KCNMA1: variants seen among roughly 807,000 people sequenced by gnomAD.
KCNMA1 encodes potassium calcium-activated channel subfamily M alpha 1, also known as Calcium-activated potassium channel subunit alpha-1.
A neutral mutation model predicts 140.0 loss-of-function variants in KCNMA1; 29 were observed. The observed-to-expected ratio is 0.21, with a 90% CI of 0.15 to 0.28. The LOEUF is 0.28. Ranked by LOEUF, KCNMA1 falls within the 10% of genes least tolerant of loss-of-function variation. The pLI is 1.00. For missense variants in KCNMA1, 880 were observed against 1,602.2 expected, an observed-to-expected ratio of 0.55 and a Z score of 7.70; for synonymous variants, 612 against 611.9, an observed-to-expected ratio of 1.00 and a Z score of 0.00.
intron 15 of KCNMA1, 61 bp downstream of exon 15, chr10:77,039,467 T>C (rs1394888573): frequency 1.0e-6 from 1 of 998,142 alleles, no homozygotes; most frequent in Admixed American, 1.7e-5. Flanking sequence ...GGAGGCTTCC[T>C]TGCAAGGGGC....
At chr10:76,925,499 A>G (rs1244765263) in intron 23 of KCNMA1, among the ~76,000 whole-genome samples, 1 of 152,160 alleles carries the variant, frequency 6.6e-6, no homozygotes, top group Non-Finnish European at 1.5e-5. Flanking sequence ...ATCCCCCCTC[A>G]TGCTGCCAAG....
intron 1 of KCNMA1, among the ~76,000 whole-genome samples, chr10:77,617,159 T>A (rs1286364469): frequency 6.6e-6 from 1 of 152,200 alleles, no homozygotes; most frequent in Non-Finnish European, 1.5e-5. Flanking sequence ...TGCTGAGACA[T>A]AAAATTGGAC....
rs1052334579 is a variant in KCNMA1, at chr10:77,001,491, C to G, written c.2182G>C (p.Val728Leu). Residue 728 changes from valine (V) to leucine (L), a missense_variant, in exon 19 of 28, where the codon GTG becomes CTG. By Grantham distance (32) the Val-to-Leu change is conservative. This residue lies in a region of KCNMA1 where 196 missense variants were observed against 233.0 expected (regional missense o/e 0.84). Transcript: ENST00000286628. ...ERDCSCMSGRVRGNVDTLERA... is the reference protein window; with the variant it reads ...ERDCSCMSGRLRGNVDTLERA... ...TCAAGGGTGTCCACGTTACCACGCA[C>G]ACGGCCTGACATGCATGAGCAGTCA... 1 of 1,551,940 alleles carries G rather than the reference C, an allele frequency of 6.4e-7. No homozygotes were observed. Among genetic ancestry groups the G allele is most frequent in the African/African-American group, 1.4e-5 (1 of 73,060 alleles).
At chr10:77,502,890 G>A (rs1437134703) in intron 1 of KCNMA1, among the ~76,000 whole-genome samples, 5 of 152,340 alleles carry the variant, frequency 3.3e-5, no homozygotes, top group South Asian at 2.1e-4. Flanking sequence ...TAATGACAAC[G>A]ATAGTGATGG....
chr10:77,565,915 C>A (rs1448644449), intron 1 of KCNMA1, among the ~76,000 whole-genome samples: 1 of 152,098 alleles, frequency 6.6e-6, no homozygotes, highest in Admixed American at 6.5e-5. Flanking sequence ...AACGCTCTCA[C>A]CAGGGACACA....
chr10:76,956,617 G>A (rs2068419004), intron 20 of KCNMA1, among the ~76,000 whole-genome samples: 1 of 152,094 alleles, frequency 6.6e-6, no homozygotes, highest in South Asian at 2.1e-4. Flanking sequence ...TCTGAGCATG[G>A]AATGGAGGCT....
chr10:77,258,699 A>G (rs1426937971), intron 2 of KCNMA1, among the ~76,000 whole-genome samples: 1 of 152,192 alleles, frequency 6.6e-6, no homozygotes, highest in African/African-American at 2.4e-5. Flanking sequence ...GCGGTGGCTC[A>G]TGCCTATAAT....
chr10:77,255,477 G>A (rs550741273), intron 2 of KCNMA1, among the ~76,000 whole-genome samples: 1 of 152,178 alleles, frequency 6.6e-6, no homozygotes, highest in South Asian at 2.1e-4. Flanking sequence ...GTGCACACCT[G>A]TAGTCCCAGC....
At chr10:77,054,311 A>T (rs1380915662) in intron 14 of KCNMA1, among the ~76,000 whole-genome samples, 1 of 152,216 alleles carries the variant, frequency 6.6e-6, no homozygotes, top group Non-Finnish European at 1.5e-5. Context: ...AGAAATCAAC[A>T]GAAGCTTCTT....
intron 1 of KCNMA1, among the ~76,000 whole-genome samples, chr10:77,523,141 C>G (rs1310492381): frequency 6.6e-6 from 1 of 151,864 alleles, no homozygotes; most frequent in East Asian, 1.9e-4. Flanking sequence ...CATAGCTTAT[C>G]TCCACTTCTA....
intron 21 of KCNMA1, among the ~76,000 whole-genome samples, chr10:76,951,230 G>C (rs904601980): frequency 6.6e-6 from 1 of 152,122 alleles, no homozygotes; most frequent in African/African-American, 2.4e-5. Flanking sequence ...TCCTCAGACT[G>C]GCCACAGCTA....
chr10:77,588,556 G>C (rs75476557), intron 1 of KCNMA1, among the ~76,000 whole-genome samples: 3 of 152,184 alleles, frequency 2.0e-5, no homozygotes, highest in African/African-American at 7.2e-5. Flanking sequence ...TGAGAGCAGA[G>C]AATTTTAGAC....
intron 1 of KCNMA1, among the ~76,000 whole-genome samples, chr10:77,509,614 A>G (rs899888248): frequency 3.3e-5 from 5 of 152,192 alleles, no homozygotes; most frequent in African/African-American, 1.2e-4. Flanking sequence ...CCCGCCAGCA[A>G]TGGACAAGGG....
At chr10:77,591,972 T>G (rs1185480790) in intron 1 of KCNMA1, among the ~76,000 whole-genome samples, 1 of 148,608 alleles carries the variant, frequency 6.7e-6, no homozygotes, top group Non-Finnish European at 1.5e-5. Flanking sequence ...TCAGGTCAGA[T>G]GCTCCACTAA....
At chr10:77,375,068 T>C (rs2094991963) in intron 2 of KCNMA1, among the ~76,000 whole-genome samples, 1 of 151,824 alleles carries the variant, frequency 6.6e-6, no homozygotes, top group South Asian at 2.1e-4. Context: ...AACACCTAAG[T>C]GCTGAGAAAA....
intron 5 of KCNMA1, among the ~76,000 whole-genome samples, chr10:77,174,012 C>T (rs1172365049): frequency 6.6e-6 from 1 of 152,156 alleles, no homozygotes; most frequent in Non-Finnish European, 1.5e-5. Context: ...TTCCCCTCTC[C>T]CCTTGCTACT....
chr10:76,927,823 T>C (rs984919095), intron 23 of KCNMA1, among the ~76,000 whole-genome samples: 4 of 152,160 alleles, frequency 2.6e-5, no homozygotes, highest in Admixed American at 6.6e-5. Flanking sequence ...TTAGCAAACA[T>C]TACCCAGCAT....
At chr10:77,156,731 C>G (rs991092110) in intron 5 of KCNMA1, among the ~76,000 whole-genome samples, 2 of 152,210 alleles carry the variant, frequency 1.3e-5, no homozygotes, top group African/African-American at 2.4e-5. Flanking sequence ...TACTGTAGAA[C>G]TGAAGACTGG....
intron 1 of KCNMA1, among the ~76,000 whole-genome samples, chr10:77,414,054 T>C (rs1032889256): frequency 1.3e-5 from 2 of 152,192 alleles, no homozygotes; most frequent in African/African-American, 2.4e-5. Flanking sequence ...AACTACTCTT[T>C]GGAAGTCTTC....
Sources: allele counts gnomAD v4.1 joint callset (sites outside exome capture counted in the v4.1 genomes callset), GRCh38; gene constraint gnomAD v4.1.1; regional missense constraint gnomAD v4.1.1; transcripts MANE v1.5; gene names NCBI Gene and HGNC (gene_info 2026-07-23, HGNC 2026-07-21).